Variants in FGGY observed in about 807,000 individuals in gnomAD.
FGGY encodes the protein FGGY carbohydrate kinase domain-containing protein.
Under a neutral mutation model 71.3 loss-of-function variants are expected in FGGY, and 72 were observed. The observed-to-expected ratio is 1.01, with a 90% CI of 0.84 to 1.23. The LOEUF (loss-of-function observed/expected upper bound fraction) is 1.23. Among genes scored for constraint, FGGY ranks in the 50% most tolerant of loss-of-function variants. FGGY has a pLI of 0.00. For synonymous variants in FGGY, 251 were observed against 250.3 expected (o/e 1.00, Z -0.02); for missense variants, 668 against 682.3 (o/e 0.98, Z 0.23).
chr1:59,372,724 C>T (rs114100858), intron 4 of FGGY, among the ~76,000 whole-genome samples: 5,032 of 152,224 alleles, frequency 0.033, 200 homozygotes, highest in African/African-American at 0.096. Context: ...ATCAAGTGGC[C>T]GTCATCCCTG....
intron 5 of FGGY, among the ~76,000 whole-genome samples, chr1:59,441,142 A>G (rs76107455): frequency 0.012 from 1,781 of 152,082 alleles, 33 homozygotes; most frequent in African/African-American, 0.04. Context: ...CCATATGTCT[A>G]TTTTCCCATC....
rs546078738 is a variant in FGGY, at chr1:59,715,811, T to A, written c.1512+41678T>A. ...CCTCATACAGACCTAAGGAAATAGA[T>A]TCTATATTGGAGATTGGCAAACTAC... On this transcript the variant is annotated intron_variant, in intron 14 of 15. Transcript: ENST00000303721. 3.3e-5 allele frequency among the ~76,000 whole-genome samples: 5 copies of A among 152,320 alleles called. No homozygotes were observed. In the South Asian group the frequency reaches 1.0e-3, roughly 32 times the overall value.
intron 6 of FGGY, among the ~76,000 whole-genome samples, chr1:59,473,065 G>T (rs1163314433): frequency 1.3e-5 from 2 of 152,146 alleles, no homozygotes; most frequent in African/African-American, 4.8e-5. Flanking sequence ...TAGGCTGCCC[G>T]AGCCAGCAGT....
chr1:59,711,886 T>C (rs553737161), intron 14 of FGGY, among the ~76,000 whole-genome samples: 63 of 152,254 alleles, frequency 4.1e-4, no homozygotes, highest in African/African-American at 1.5e-3. Flanking sequence ...CATTCCACCC[T>C]GGCCCCTCCC....
At chr1:59,533,054 G>A (rs182856166) in intron 7 of FGGY, among the ~76,000 whole-genome samples, 1 of 152,204 alleles carries the variant, frequency 6.6e-6, no homozygotes, top group Non-Finnish European at 1.5e-5. Flanking sequence ...CAGCTTGAGC[G>A]ACACAGCAGA....
At chr1:59,354,917 C>T (rs1329563826) in intron 4 of FGGY, among the ~76,000 whole-genome samples, 1 of 152,192 alleles carries the variant, frequency 6.6e-6, no homozygotes, top group Non-Finnish European at 1.5e-5. Context: ...GGAGGAGCAA[C>T]AGATTCACTG....
intron 5 of FGGY, among the ~76,000 whole-genome samples, chr1:59,431,152 C>T (rs891172009): frequency 6.6e-6 from 1 of 152,182 alleles, no homozygotes; most frequent in African/African-American, 2.4e-5. Context: ...TCACCTACCT[C>T]CTCTTTTCTC....
At chr1:59,616,310 A>AATG (rs2096753490) in intron 9 of FGGY, among the ~76,000 whole-genome samples, 1 of 151,366 alleles carries the variant, frequency 6.6e-6, no homozygotes, top group Non-Finnish European at 1.5e-5. Context: ...CAGCCATAAA[A>AATG]ATGAGTTCAT....
At chr1:59,438,626 G>A (rs910799428) in intron 5 of FGGY, among the ~76,000 whole-genome samples, 4 of 152,012 alleles carry the variant, frequency 2.6e-5, no homozygotes, top group Non-Finnish European at 4.4e-5. Flanking sequence ...TATAGTCCCC[G>A]GGAAACCAAA....
intron 6 of FGGY, among the ~76,000 whole-genome samples, chr1:59,467,285 G>T (rs1345042387): frequency 3.3e-5 from 5 of 152,120 alleles, no homozygotes; most frequent in Admixed American, 2.0e-4. Context: ...CTCACTCATA[G>T]GTGGGAATTG....
At chr1:59,300,457 CAG>C (rs1393009989) in intron 1 of FGGY, among the ~76,000 whole-genome samples, 2 of 152,066 alleles carry the variant, frequency 1.3e-5, no homozygotes, top group Non-Finnish European at 2.9e-5. Flanking sequence ...CTTTTGAAAG[CAG>C]AGTTCTTAAT....
chr1:59,663,221 C>T (rs142751916), intron 12 of FGGY, among the ~76,000 whole-genome samples: 186 of 152,278 alleles, frequency 1.2e-3, no homozygotes, highest in African/African-American at 4.3e-3. Flanking sequence ...GACCATTTGC[C>T]GAGGTCAAAC....
At chr1:59,311,839 A>G (rs551598004) in intron 1 of FGGY, among the ~76,000 whole-genome samples, 8 of 152,290 alleles carry the variant, frequency 5.3e-5, no homozygotes, top group Admixed American at 1.3e-4. Context: ...CTCTTCCACA[A>G]TGGTTGAACT....
At chr1:59,464,978 A>G (rs917795141) in intron 6 of FGGY, among the ~76,000 whole-genome samples, 1 of 152,356 alleles carries the variant, frequency 6.6e-6, no homozygotes, top group Non-Finnish European at 1.5e-5. Flanking sequence ...ATTCCAATCA[A>G]TAGAAAAAGA....
intron 5 of FGGY, among the ~76,000 whole-genome samples, chr1:59,434,075 A>G (rs1311894800): frequency 4.6e-5 from 7 of 152,224 alleles, no homozygotes; most frequent in Non-Finnish European, 8.8e-5. Flanking sequence ...TGGGATTATT[A>G]TTAAAACACA....
intron 10 of FGGY, among the ~76,000 whole-genome samples, chr1:59,633,423 T>C (rs1318121464): frequency 2.0e-5 from 3 of 152,218 alleles, no homozygotes; most frequent in Non-Finnish European, 4.4e-5. Context: ...ATAAATCCTC[T>C]TATTTTCTAC....
At chr1:59,718,279 C>T (rs908430560) in intron 14 of FGGY, among the ~76,000 whole-genome samples, 1 of 152,318 alleles carries the variant, frequency 6.6e-6, no homozygotes, top group African/African-American at 2.4e-5. Context: ...AAGCATTTTA[C>T]AACCATAAAC....
At chr1:59,701,252 G>A (rs995808984) in intron 14 of FGGY, among the ~76,000 whole-genome samples, 3 of 152,118 alleles carry the variant, frequency 2.0e-5, no homozygotes, top group Admixed American at 1.3e-4. Flanking sequence ...AGGCAGAAGT[G>A]GAATCCCAGC....
intron 10 of FGGY, 39 bp from the exon 11 acceptor site, chr1:59,638,189 C>T (rs1379929575): frequency 6.2e-7 from 1 of 1,600,274 alleles, no homozygotes; most frequent in Non-Finnish European, 8.5e-7. Context: ...CTCCCTGACC[C>T]TATCCCCCCT....
Sources: gnomAD v4.1 joint callset for allele counts (sites outside exome capture counted in the v4.1 genomes callset) on GRCh38, gnomAD v4.1.1 for gene constraint, MANE v1.5 for transcripts, NCBI Gene and HGNC (gene_info 2026-07-23, HGNC 2026-07-21) for gene names.